Variants in ADAM19 observed in about 807,000 individuals in gnomAD.
ADAM19 encodes ADAM metallopeptidase domain 19.
A neutral mutation model predicts 114.7 loss-of-function variants in ADAM19; 65 were observed. That is an observed-to-expected ratio of 0.57 (90% CI 0.46 to 0.70). The LOEUF (loss-of-function observed/expected upper bound fraction) is 0.70. Among genes scored for constraint, ADAM19 ranks in the 30% least tolerant of loss-of-function variants. The pLI is 0.00. For missense variants in ADAM19, 1,063 were observed against 1,204.7 expected (o/e 0.88, Z 1.74); for synonymous variants, 466 against 460.5 (o/e 1.01, Z -0.15).
chr5:157,519,006 A>AT, intron 6 of ADAM19, 118 bp from the exon 7 acceptor site: 1 of 832,292 alleles, frequency 1.2e-6, no homozygotes, highest in Non-Finnish European at 2.0e-6. Context: ...TGATTTTGTC[A>AT]TTCGGCACTA....
intron 3 of ADAM19, among the ~76,000 whole-genome samples, chr5:157,546,664 T>C (rs1376160902): frequency 2.0e-5 from 3 of 152,208 alleles, no homozygotes; most frequent in Non-Finnish European, 2.9e-5. Flanking sequence ...CCATGCTTGA[T>C]ATAATGCAGC....
intron 12 of ADAM19, 99 bp downstream of exon 12, chr5:157,502,704 C>T: frequency 2.2e-6 from 3 of 1,362,456 alleles, no homozygotes. Context: ...GTAGGAAACA[C>T]CTGTGACTAA....
chr5:157,559,701 A>AG (rs144263501), intron 3 of ADAM19, among the ~76,000 whole-genome samples: 16,510 of 152,230 alleles, frequency 0.11, 1,088 homozygotes, highest in Middle Eastern at 0.25. Flanking sequence ...AAGAACATAG[A>AG]GAAAAAATAT....
At chr5:157,545,516 T>C (rs188712693) in intron 3 of ADAM19, among the ~76,000 whole-genome samples, 88 of 152,258 alleles carry the variant, frequency 5.8e-4, no homozygotes, top group African/African-American at 2.1e-3. Context: ...TTTCCCTCAT[T>C]CTATGCGTTG....
At chr5:157,551,062 A>G (rs765625011) in intron 3 of ADAM19, among the ~76,000 whole-genome samples, 3 of 152,158 alleles carry the variant, frequency 2.0e-5, no homozygotes, top group Non-Finnish European at 4.4e-5. Flanking sequence ...CTAGGCCCCT[A>G]TCTCTCATTG....
At chr5:157,547,593 A>G (rs1419572986) in intron 3 of ADAM19, among the ~76,000 whole-genome samples, 1 of 152,228 alleles carries the variant, frequency 6.6e-6, no homozygotes, top group Non-Finnish European at 1.5e-5. Flanking sequence ...CAGAACTGTG[A>G]GAAACAGATT....
intron 3 of ADAM19, among the ~76,000 whole-genome samples, chr5:157,549,606 C>T (rs548431862): frequency 1.3e-5 from 2 of 152,338 alleles, no homozygotes; most frequent in South Asian, 2.1e-4. Context: ...CACAAATTCC[C>T]GTTCCTCTTG....
intron 5 of ADAM19, among the ~76,000 whole-genome samples, chr5:157,530,427 G>C (rs1756591936): frequency 6.6e-6 from 1 of 152,132 alleles, no homozygotes. Flanking sequence ...CATTTCTCCA[G>C]ACTCCCTCTG....
At chr5:157,569,422 T>TC (rs1757764372) in intron 2 of ADAM19, among the ~76,000 whole-genome samples, 1 of 141,268 alleles carries the variant, frequency 7.1e-6, no homozygotes. Context: ...TTTTCTTTTT[T>TC]TTTTTTTTTT....
Position 157,490,338 on chromosome 5 carries a change from G to C in ADAM19, c.2212C>G (p.Leu738Val). ...NKLGQLKPSA[L>V]PSKLRQQFSC... The stretch of plus-strand genomic sequence containing the variant: ...AACTGTTGCCTCAGCTTGGAAGGGA[G>C]AGCTGAGGGCTTGAGTTGGCCTAGT... Residue 738 changes from leucine (L) to valine (V), a missense_variant, in exon 19 of 23, where the codon CTC becomes GTC. This residue lies in a region of ADAM19 where 424 missense variants were observed against 445.5 expected (regional missense o/e 0.95). Transcript: ENST00000257527. 3 of 1,614,054 alleles carry C rather than the reference G, an allele frequency of 1.9e-6. No homozygotes were observed. Among genetic ancestry groups the C allele is most frequent in the Non-Finnish European group, 2.5e-6 (3 of 1,180,002 alleles).
intron 3 of ADAM19, among the ~76,000 whole-genome samples, chr5:157,539,170 AG>A (rs1304220208): frequency 1.3e-5 from 2 of 149,486 alleles, no homozygotes; most frequent in South Asian, 2.1e-4. Flanking sequence ...AAAAAAAAAA[AG>A]AGAGAGAGAA....
chr5:157,507,169 G>A (rs562896427), intron 9 of ADAM19, 29 bp from the exon 10 acceptor site: 58 of 1,607,226 alleles, frequency 3.6e-5, no homozygotes, highest in Middle Eastern at 3.3e-4. Flanking sequence ...GACGGTGACC[G>A]GGGACGAGAC....
chr5:157,509,209 AC>A (rs1299309825), intron 9 of ADAM19, 91 bp downstream of exon 9: 12 of 1,365,686 alleles, frequency 8.8e-6, no homozygotes, highest in Non-Finnish European at 1.2e-5. Context: ...TGTACAACCA[AC>A]ACTCGCCATG....
In ADAM19 at chr5:157,488,312, G is replaced by T. The variant is rs1273952270; in HGVS notation, c.2503C>A (p.Pro835Thr). ...IERTESSRRP[P>T]PSRPIPPAPN... is the part of the protein sequence containing the mutation. ...GCGGGGGGAATTGGCCGGCTTGGAG[G>T]AGGCCTCCTGGACGACTCCGTCCTC... The change falls in exon 21 of 23, where the codon CCT becomes ACT. Residue 835 changes from proline (P) to threonine (T), a missense_variant. Pro to Thr is a conservative substitution (Grantham distance 38). Around this residue, in one of 3 missense-constraint regions of ADAM19, gnomAD observed 424 missense variants for 445.5 expected, o/e 0.95. Transcript: ENST00000257527. The T allele has an allele frequency of 5.0e-6, 8 of 1,614,170 alleles. No individual in the cohort carries two copies. Among genetic ancestry groups the T allele is most frequent in the Non-Finnish European group, 6.8e-6 (8 of 1,180,008 alleles).
rs760092098 is a variant in ADAM19 at position 157,490,223 on chromosome 5, A to G, written c.2240+87T>C. 9.4e-5 allele frequency: 140 copies of G among 1,497,194 alleles called. 1 individual carries two copies. The highest frequency in any genetic ancestry group is 1.3e-4 in the Non-Finnish European group (138 of 1,084,854). 92.7% of individuals were successfully genotyped at this position (1,497,194 alleles called of 1,614,324 possible). Reference sequence around the variant, plus strand: ...TTGTCTTCCCTGAATTAGACCCACTATCACCAACACTTTTGCTAAGTACCA... The same window carrying G: ...TTGTCTTCCCTGAATTAGACCCACTGTCACCAACACTTTTGCTAAGTACCA... On this transcript the variant is annotated intron_variant, in intron 19 of 22. Coordinates refer to ENST00000257527, the MANE Select transcript of ADAM19 (RefSeq NM_033274.5).
At position 157,487,674 on chromosome 5, in the gene ADAM19, G is replaced by A. The variant is rs1472762033; in HGVS notation, c.2550+591C>T. Among the ~76,000 whole-genome samples the A allele has an allele frequency of 2.6e-5, 4 of 152,058 alleles. No individual in the cohort carries two copies. In the East Asian group the frequency reaches 7.7e-4, roughly 29 times the overall value. On this transcript the variant is annotated intron_variant, in intron 21 of 22. Coordinates refer to ENST00000257527, the MANE Select transcript of ADAM19 (RefSeq NM_033274.5). ...AGAGCACCAGGGCTGGTGGGGGAGAGTCTAGACCCCACTCTCACCTCCCAG... is the reference window on the plus strand; with the variant it reads ...AGAGCACCAGGGCTGGTGGGGGAGAATCTAGACCCCACTCTCACCTCCCAG...
chr5:157,541,439 G>C (rs1033564237), intron 3 of ADAM19, among the ~76,000 whole-genome samples: 1 of 152,158 alleles, frequency 6.6e-6, no homozygotes, highest in Admixed American at 6.5e-5. Flanking sequence ...CCACGGACAG[G>C]CAGAAATCAG....
At chr5:157,575,554 C>A in intron 1 of ADAM19, 49 bp downstream of exon 1, 1 of 1,383,646 alleles carries the variant, frequency 7.2e-7, no homozygotes, top group Non-Finnish European at 9.5e-7. Flanking sequence ...AGGCTACTCC[C>A]AGGTCTCCGG....
rs188879257 is a variant in ADAM19, at chr5:157,502,107, C to T, written c.1308+696G>A. On this transcript the variant is annotated intron_variant, in intron 12 of 22. Coordinates refer to ENST00000257527, the MANE Select transcript of ADAM19 (RefSeq NM_033274.5). ...TTTATACAGAACCTCAGTCTCACCC[C>T]CATAATTTACTGTTACTTGTTATCT... Among the ~76,000 whole-genome samples, 188 of 152,162 alleles carry T rather than the reference C, an allele frequency of 1.2e-3. 2 individuals carry two copies. In the South Asian group the frequency reaches 0.016, roughly 13 times the overall value.
Sources: gnomAD v4.1 joint callset for allele counts (sites outside exome capture counted in the v4.1 genomes callset) on GRCh38, gnomAD v4.1.1 for gene constraint, gnomAD v4.1.1 regional missense constraint, MANE v1.5 for transcripts, NCBI Gene and HGNC (gene_info 2026-07-23, HGNC 2026-07-21) for gene names.